The following OAS2 variants were observed in gnomAD, a reference collection of about 807,000 sequenced individuals.
OAS2 encodes the protein 2'-5'-oligoadenylate synthetase 2.
A neutral mutation model predicts 71.3 loss-of-function variants in OAS2; 67 were observed. The ratio of observed to expected loss-of-function variants is 0.94; its 90% CI spans 0.77 to 1.15. OAS2 has a LOEUF of 1.15. Ranked by LOEUF, OAS2 falls within the 50% of genes most tolerant of loss-of-function variation. OAS2 has a pLI of 0.00. For synonymous variants in OAS2, 327 were observed against 321.8 expected, an observed-to-expected ratio of 1.02 and a Z score of -0.17; for missense variants, 789 against 822.5, an observed-to-expected ratio of 0.96 and a Z score of 0.50.
intron 1 of OAS2, among the ~76,000 whole-genome samples, chr12:112,980,366 T>C (rs1193334240): frequency 6.6e-6 from 1 of 152,232 alleles, no homozygotes; most frequent in East Asian, 1.9e-4. Flanking sequence ...TCTAACTGTA[T>C]GTTTGTATCC....
intron 5 of OAS2, among the ~76,000 whole-genome samples, chr12:113,000,408 C>T (rs894781186): frequency 2.6e-5 from 4 of 152,080 alleles, no homozygotes; most frequent in African/African-American, 9.7e-5. Context: ...CCTGTCTCTG[C>T]AGTTGTTGAA....
intron 6 of OAS2, 83 bp from the exon 7 acceptor site, chr12:113,004,847 CAGTT>C: frequency 7.3e-7 from 1 of 1,370,924 alleles, no homozygotes; most frequent in Non-Finnish European, 1.0e-6. Flanking sequence ...GAAACAGTGT[CAGTT>C]AGCCCAACTG....
At chr12:112,995,541 G>A in intron 3 of OAS2, 67 bp downstream of exon 3, 1 of 1,440,964 alleles carries the variant, frequency 6.9e-7, no homozygotes, top group South Asian at 1.3e-5. Context: ...TTGACATCCA[G>A]TAAAGTGCAA....
chr12:113,008,049 C>G, intron 9 of OAS2, 106 bp downstream of exon 9: 1 of 819,840 alleles, frequency 1.2e-6, no homozygotes, highest in South Asian at 1.6e-5. Flanking sequence ...CCTTGCATGA[C>G]GGGGGAAAGT....
Position 113,004,946 on chromosome 12 carries a change from G to C in OAS2, c.1192G>C (p.Ala398Pro), listed in dbSNP as rs143746502. 2 of 1,613,798 alleles carry C rather than the reference G, an allele frequency of 1.2e-6. No individual in the cohort carries two copies. Among genetic ancestry groups the C allele is most frequent in the Admixed American group, 3.3e-5 (2 of 59,988 alleles). Residue 398 changes from alanine (A) to proline (P), a missense_variant, in exon 7 of 10, where the codon GCC becomes CCC. Transcript: ENST00000392583. ...CTTTCTTCCTTAGGGAGGATCAACC[G>C]CCAAAGGCACAGCTCTGAAGACTGG... ...KIQIVRGGST[A>P]KGTALKTGSD...
intron 1 of OAS2, among the ~76,000 whole-genome samples, chr12:112,980,395 A>G (rs755905119): frequency 2.0e-5 from 3 of 151,984 alleles, no homozygotes; most frequent in Admixed American, 2.0e-4. Flanking sequence ...ACTTCTCTTC[A>G]TTTCCTCCTC....
chr12:113,008,774 G>A (rs983494768), intron 9 of OAS2, among the ~76,000 whole-genome samples: 4 of 152,008 alleles, frequency 2.6e-5, no homozygotes, highest in African/African-American at 7.3e-5. Flanking sequence ...CTACAGGTGC[G>A]CACCACCACG....
intron 2 of OAS2, chr12:112,988,814 C>A (rs934766319): frequency 1.3e-5 from 10 of 792,364 alleles, no homozygotes; most frequent in Non-Finnish European, 1.5e-5. Context: ...TACTCTGTAC[C>A]TGCCTTGAAT....
At chr12:113,006,758 T>C (rs2044338696) in intron 8 of OAS2, among the ~76,000 whole-genome samples, 158 bp downstream of exon 8, 1 of 152,210 alleles carries the variant, frequency 6.6e-6, no homozygotes. Flanking sequence ...ACTAACCCTA[T>C]TCATTTGGGT....
rs891430056 is a variant in OAS2, at chr12:113,003,004, T to C, written c.1081T>C (p.Cys361Arg). The C allele has an allele frequency of 6.2e-7, 1 of 1,614,158 alleles. No individual in the cohort carries two copies. Among genetic ancestry groups the C allele is most frequent in the Non-Finnish European group, 8.5e-7 (1 of 1,179,998 alleles). ...FIKEFLQPNK[C>R]FLEQIDSAVN... The stretch of plus-strand genomic sequence containing the variant: ...CAAGGAGTTTCTCCAGCCCAACAAA[T>C]GCTTCCTAGAGCAGATTGACAGTGC... The change falls in exon 6 of 10, where the codon TGC (cysteine) becomes CGC (arginine). Residue 361 changes from cysteine to arginine, a missense_variant. Cys to Arg is a radical substitution (Grantham distance 180). Coordinates refer to ENST00000392583, the MANE Select transcript of OAS2 (RefSeq NM_002535.3).
chr12:113,001,998 G>T (rs1047897330), intron 5 of OAS2, among the ~76,000 whole-genome samples: 2 of 151,748 alleles, frequency 1.3e-5, no homozygotes, highest in African/African-American at 4.8e-5. Context: ...TGGCACCACT[G>T]CCCCCCAGCT....
Position 112,991,520 on chromosome 12 carries a change from C to T in OAS2, c.449-3776C>T, listed in dbSNP as rs964190172. ...CATATGTAAGGTGAACAATGGTTCA[C>T]TCCGGAAAGGCGGGACAACTCGAAG... On this transcript the variant is annotated intron_variant, in intron 2 of 9. Coordinates refer to ENST00000392583, the MANE Select transcript of OAS2 (RefSeq NM_002535.3). Among the ~76,000 whole-genome samples the T allele has an allele frequency of 2.1e-4, 30 of 140,348 alleles. 3 individuals carry two copies. Among genetic ancestry groups the T allele is most frequent in the South Asian group, 7.9e-4 (3 of 3,816 alleles). The allele number at this position is 140,348 out of a possible 152,430, so 92.1% of individuals were successfully genotyped here. A position where few individuals can be genotyped will look rare whatever the true frequency, so the allele number is the denominator to read the frequency against.
At position 113,001,863 on chromosome 12, in the gene OAS2, CAAAAAAA is replaced by C. The variant is rs71086131; in HGVS notation, c.1009-1050_1009-1044del. 1.1e-3 allele frequency among the ~76,000 whole-genome samples: 25 copies of C among 21,858 alleles called. No individual in the cohort carries two copies. In the South Asian group the frequency reaches 0.02, roughly 18 times the overall value. The allele number at this position is 21,858 out of a possible 152,430, so 14.3% of individuals were successfully genotyped here. On this transcript the variant is annotated intron_variant, in intron 5 of 9. Transcript: ENST00000392583. ...GAACCTAGTGAGACTCCCATCTCTA[CAAAAAAA>C]AAAAAAAAAAAAAAAAAAGCTAGGC... is the stretch of plus-strand genomic sequence containing the variant.
chr12:113,005,918 C>CAACAACAACAACAA (rs1555229554), intron 7 of OAS2, among the ~76,000 whole-genome samples: 1 of 49,044 alleles, frequency 2.0e-5, no homozygotes, highest in African/African-American at 1.2e-4. Flanking sequence ...ACAACAACAA[C>CAACAACAACAACAA]AAAAAAAAAA....
At chr12:112,988,716 A>G (rs1302604905) in intron 2 of OAS2, 47 of 985,356 alleles carry the variant, frequency 4.8e-5, no homozygotes, top group Non-Finnish European at 5.2e-5. Flanking sequence ...GAAGACACTA[A>G]CAAAGAATGG....
Position 113,004,997 on chromosome 12 carries a change from C to CAT in OAS2, c.1245_1246dup (p.Asn416IlefsTer25). ...CTCTGATGCCGATCTCGTCGTGTTCCATAACTCACTTAAAAGCTACACCTC... is the reference window on the plus strand; with the variant it reads ...CTCTGATGCCGATCTCGTCGTGTTCCATATAACTCACTTAAAAGCTACACCTC... On this transcript the variant is annotated frameshift_variant, in exon 7 of 10. Coordinates refer to ENST00000392583, the MANE Select transcript of OAS2 (RefSeq NM_002535.3). LOFTEE classifies it high-confidence loss of function. 6.2e-7 allele frequency: 1 copy of CAT among 1,614,170 alleles called. No homozygotes were observed. Among genetic ancestry groups the CAT allele is most frequent in the Non-Finnish European group, 8.5e-7 (1 of 1,180,010 alleles).
chr12:113,001,818 GA>G (rs2044292823), intron 5 of OAS2, among the ~76,000 whole-genome samples: 1 of 141,098 alleles, frequency 7.1e-6, no homozygotes, highest in Non-Finnish European at 1.5e-5. Context: ...TTAAGACCAA[GA>G]GTTTGAGACC....
At chr12:113,007,669 C>A in intron 8 of OAS2, 36 bp from the exon 9 acceptor site, 1 of 1,576,424 alleles carries the variant, frequency 6.3e-7, no homozygotes, top group South Asian at 1.1e-5. Context: ...AGCTCCTAGG[C>A]TAACCAGTTC....
At position 113,009,616 on chromosome 12, in the gene OAS2, C is replaced by T. The variant is rs2044363126; in HGVS notation, c.*361C>T. 1.0e-6 allele frequency: 1 copy of T among 1,001,950 alleles called. No homozygotes were observed. The highest frequency in any genetic ancestry group is 1.2e-6 in the Non-Finnish European group (1 of 841,268). The allele number at this position is 1,001,950 out of a possible 1,614,324, so 62.1% of individuals were successfully genotyped here. A position where few individuals can be genotyped will look rare whatever the true frequency, so the allele number is the denominator to read the frequency against. ...TAGCTGTTAATTTGAGTACTTATGG[C>T]CCTGAAAGCGGCCACGGTGCCTCCA... is the stretch of plus-strand genomic sequence containing the variant. On this transcript the variant is annotated 3_prime_UTR_variant, in exon 10 of 10. Coordinates refer to ENST00000392583, the MANE Select transcript of OAS2 (RefSeq NM_002535.3).
Sources: allele counts gnomAD v4.1 joint callset (sites outside exome capture counted in the v4.1 genomes callset), GRCh38; gene constraint gnomAD v4.1.1; transcripts MANE v1.5; gene names NCBI Gene and HGNC (gene_info 2026-07-23, HGNC 2026-07-21).